ABCB7: variants seen among roughly 807,000 people sequenced by gnomAD.
The protein encoded by ABCB7 is ATP binding cassette subfamily B member 7, also known as iron-sulfur clusters transporter ABCB7, mitochondrial.
ABCB7 carries 7 observed loss-of-function variants against 54.4 expected under a neutral mutation model. The ratio of observed to expected loss-of-function variants is 0.13; its 90% CI spans 0.07 to 0.24. The LOEUF is 0.24. Ranked by LOEUF, ABCB7 falls within the 10% of genes least tolerant of loss-of-function variation. The pLI is 1.00. For synonymous variants in ABCB7, 218 were observed against 207.1 expected (o/e 1.05, Z -0.45); for missense variants, 356 against 570.4 (o/e 0.62, Z 3.83).
In ABCB7 at chrX:75,156,015, GCT is replaced by G. The variant is rs1468278511; in HGVS notation, c.168+88_168+89del. ...AGTTAGCCATGACTTTCTTCTTGGT[GCT>G]CTCTCTGCCCCGAGGTCAGGAGGGC... On this transcript the variant is annotated intron_variant, in intron 1 of 15. Transcript: ENST00000373394. 2.9e-6 allele frequency: 3 copies of G among 1,029,283 alleles called. No individual in the cohort carries two copies. In the Admixed American group the frequency reaches 7.7e-5, roughly 26 times the overall value. The allele number at this position is 1,029,283 out of a possible 1,213,427, so 84.8% of individuals were successfully genotyped here.
chrX:75,063,996 C>T (rs1263195457), intron 13 of ABCB7, among the ~76,000 whole-genome samples: 1 of 111,103 alleles, frequency 9.0e-6, no homozygotes, highest in Non-Finnish European at 1.9e-5. Context: ...ATTAGCCAAA[C>T]GGACACATAA....
rs147970669 is a variant in ABCB7, at chrX:75,063,592, G to A, written c.1832-1161C>T. Among the ~76,000 whole-genome samples, 5 of 110,593 alleles carry A rather than the reference G, an allele frequency of 4.5e-5. No homozygotes were observed. The East Asian group carries it at 1.4e-3, about 31-fold the overall frequency. ...CAGGTACCATAAGTACTATCTTCCC[G>A]CCTACCTATCAGCCCAGTAGCAGAA... is the stretch of plus-strand genomic sequence containing the variant. On this transcript the variant is annotated intron_variant, in intron 13 of 15. Coordinates refer to ENST00000373394, the MANE Select transcript of ABCB7 (RefSeq NM_001271696.3).
At chrX:75,142,091 T>C (rs183984420) in intron 1 of ABCB7, among the ~76,000 whole-genome samples, 1 of 111,340 alleles carries the variant, frequency 9.0e-6, no homozygotes, top group East Asian at 2.8e-4. Flanking sequence ...TTAACAAATG[T>C]AGAAGGAATG....
intron 3 of ABCB7, among the ~76,000 whole-genome samples, chrX:75,108,413 G>A (rs747207687): frequency 1.3e-3 from 147 of 111,701 alleles, no homozygotes; most frequent in Non-Finnish European, 1.8e-3. Context: ...GATCCTCGGT[G>A]AGAACCTGTT....
intron 2 of ABCB7, among the ~76,000 whole-genome samples, chrX:75,114,443 C>T (rs1323346939): frequency 1.8e-5 from 2 of 112,093 alleles, no homozygotes; most frequent in African/African-American, 6.5e-5. Flanking sequence ...TAAAGCATTT[C>T]ACATATCAGA....
intron 4 of ABCB7, among the ~76,000 whole-genome samples, chrX:75,091,307 C>T (rs1459793726): frequency 9.0e-6 from 1 of 110,999 alleles, no homozygotes; most frequent in African/African-American, 3.3e-5. Flanking sequence ...ATTTGAAAAT[C>T]AGTTAATGTA....
chrX:75,055,498 G>A (rs1440958998), intron 15 of ABCB7, among the ~76,000 whole-genome samples: 1 of 95,676 alleles, frequency 1.0e-5, no homozygotes, highest in Non-Finnish European at 2.0e-5. Flanking sequence ...CTTGAGCCCA[G>A]GAGTTTGAGA....
At chrX:75,130,383 A>G (rs1267780373) in intron 1 of ABCB7, among the ~76,000 whole-genome samples, 1 of 112,036 alleles carries the variant, frequency 8.9e-6, no homozygotes, top group Non-Finnish European at 1.9e-5. Flanking sequence ...ACTAACAACA[A>G]CCAGGGGAGT....
intron 15 of ABCB7, among the ~76,000 whole-genome samples, chrX:75,055,553 C>CAA (rs59851777): frequency 1.1e-3 from 24 of 21,737 alleles, no homozygotes; most frequent in Non-Finnish European, 1.7e-3. Flanking sequence ...CCATCTCTAC[C>CAA]AAAAAAAAAA....
intron 15 of ABCB7, 115 bp from the exon 16 acceptor site, chrX:75,053,700 C>T (rs2081213554): frequency 9.2e-7 from 1 of 1,081,542 alleles, no homozygotes; most frequent in Non-Finnish European, 1.2e-6. Flanking sequence ...CATTAAAATA[C>T]TTCTCCCAAT....
intron 1 of ABCB7, among the ~76,000 whole-genome samples, chrX:75,149,178 T>C (rs1299986228): frequency 9.0e-6 from 1 of 111,725 alleles, no homozygotes; most frequent in East Asian, 2.8e-4. Context: ...CTCTAGATAT[T>C]GTAAAGAAAA....
chrX:75,080,366 A>G (rs981777273), intron 4 of ABCB7, among the ~76,000 whole-genome samples: 2 of 111,744 alleles, frequency 1.8e-5, no homozygotes, highest in African/African-American at 6.5e-5. Context: ...GTGCAGTGGC[A>G]TGATCTCGGC....
At chrX:75,067,145 C>A (rs1297500459) in intron 12 of ABCB7, among the ~76,000 whole-genome samples, 1 of 111,845 alleles carries the variant, frequency 8.9e-6, no homozygotes, top group Admixed American at 9.5e-5. Context: ...ACCAGCAAAA[C>A]AAGAGACTGT....
At chrX:75,151,766 T>C (rs181881477) in intron 1 of ABCB7, among the ~76,000 whole-genome samples, 11 of 112,128 alleles carry the variant, frequency 9.8e-5, no homozygotes, top group African/African-American at 3.2e-4. Context: ...GTGTCCAAGA[T>C]AATTAACAGT....
chrX:75,125,970 C>T (rs2081923107), intron 1 of ABCB7, among the ~76,000 whole-genome samples: 1 of 111,270 alleles, frequency 9.0e-6, no homozygotes, highest in South Asian at 3.8e-4. Context: ...CTTTTCTTTT[C>T]AACTACACTT....
At chrX:75,115,797 G>A (rs191811459) in intron 1 of ABCB7, among the ~76,000 whole-genome samples, 3 of 106,316 alleles carry the variant, frequency 2.8e-5, no homozygotes, top group South Asian at 8.8e-4. Context: ...GGGGGGGGGG[G>A]CACGGGGCAG....
At chrX:75,149,737 G>A (rs923086224) in intron 1 of ABCB7, among the ~76,000 whole-genome samples, 3 of 111,558 alleles carry the variant, frequency 2.7e-5, no homozygotes, top group African/African-American at 6.5e-5. Flanking sequence ...TGTTGTAGGA[G>A]TTCAGAGGAG....
At chrX:75,117,927 G>C (rs986308990) in intron 1 of ABCB7, among the ~76,000 whole-genome samples, 4 of 111,839 alleles carry the variant, frequency 3.6e-5, no homozygotes, top group Admixed American at 2.8e-4. Context: ...TGTGTGAACT[G>C]GTTGAATGAA....
At chrX:75,128,319 G>C in intron 1 of ABCB7, among the ~76,000 whole-genome samples, 1 of 111,195 alleles carries the variant, frequency 9.0e-6, no homozygotes, top group East Asian at 2.8e-4. Flanking sequence ...TCTGATCTTT[G>C]ACAAACCTGA....
Sources: allele counts gnomAD v4.1 joint callset (sites outside exome capture counted in the v4.1 genomes callset), GRCh38; gene constraint gnomAD v4.1.1; transcripts MANE v1.5; gene names NCBI Gene and HGNC (gene_info 2026-07-23, HGNC 2026-07-21).